The following TEKT3 variants were observed in gnomAD, a reference collection of about 807,000 sequenced individuals.
The protein encoded by TEKT3 is tektin-3.
In TEKT3, 49 loss-of-function variants were observed where a neutral mutation model predicts 49.8. That is an observed-to-expected ratio of 0.98 (90% CI 0.78 to 1.25). The LOEUF (loss-of-function observed/expected upper bound fraction) is 1.25. Ranked by LOEUF, TEKT3 falls within the 50% of genes most tolerant of loss-of-function variation. The pLI is 0.00. For missense variants in TEKT3, 595 were observed against 629.5 expected (o/e 0.95, Z 0.59); for synonymous variants, 225 against 237.2 (o/e 0.95, Z 0.47).
At chr17:15,324,438 T>G (rs1911401609) in intron 4 of TEKT3, among the ~76,000 whole-genome samples, 1 of 152,208 alleles carries the variant, frequency 6.6e-6, no homozygotes, top group Admixed American at 6.5e-5. Context: ...ATATGTTTTC[T>G]TTTCTCCTGG....
At chr17:15,334,669 T>C (rs1374477193) in intron 2 of TEKT3, among the ~76,000 whole-genome samples, 1 of 152,238 alleles carries the variant, frequency 6.6e-6, no homozygotes, top group Non-Finnish European at 1.5e-5. Flanking sequence ...TAAAGCATAG[T>C]GGTTTACAGA....
intron 3 of TEKT3, 64 bp downstream of exon 3, chr17:15,330,943 C>T (rs1015045694): frequency 7.0e-7 from 1 of 1,420,306 alleles, no homozygotes. Context: ...AATAAATAAC[C>T]ACAGTAACTC....
chr17:15,328,130 G>T, intron 3 of TEKT3, 55 bp from the exon 4 acceptor site: 1 of 1,474,796 alleles, frequency 6.8e-7, no homozygotes, highest in Admixed American at 1.7e-5. Flanking sequence ...TCCATGACTA[G>T]CAGCTCTAAT....
intron 4 of TEKT3, among the ~76,000 whole-genome samples, chr17:15,326,029 G>A (rs904525295): frequency 2.2e-4 from 34 of 152,142 alleles, no homozygotes; most frequent in African/African-American, 7.7e-4. Context: ...GCTTTCCTGA[G>A]TATATTATTT....
chr17:15,341,389 C>T (rs1912222660), intron 1 of TEKT3, 129 bp downstream of exon 1: 1 of 152,058 alleles, frequency 6.6e-6, no homozygotes. Context: ...AAGTGAAGAT[C>T]GCGGGGAGGA....
chr17:15,309,015 T>C (rs1454421972), intron 7 of TEKT3, among the ~76,000 whole-genome samples, 197 bp from the exon 8 acceptor site: 1 of 152,178 alleles, frequency 6.6e-6, no homozygotes, highest in Non-Finnish European at 1.5e-5. Flanking sequence ...GGCATGCACC[T>C]GCTCTGGAGA....
chr17:15,335,057 G>A (rs771118399), intron 2 of TEKT3, among the ~76,000 whole-genome samples: 1 of 152,202 alleles, frequency 6.6e-6, no homozygotes, highest in African/African-American at 2.4e-5. Context: ...TGAGAGAAGG[G>A]AAACAAATAA....
rs765924272 is a variant in TEKT3, at chr17:15,312,328, G to C, written c.1032C>G (p.Asn344Lys). 1.9e-6 allele frequency: 3 copies of C among 1,614,110 alleles called. No individual in the cohort carries two copies. The Admixed American group carries it at 5.0e-5, about 27-fold the overall frequency. Residue 344 changes from asparagine to lysine, a missense_variant, in exon 7 of 9, where the codon AAC becomes AAG. Asn to Lys is a moderately conservative substitution (Grantham distance 94, BLOSUM62 0). Transcript: ENST00000395930. Reference protein sequence around the residue: ...NEMWNQFNKVNLSFTNRIAET... With the variant: ...NEMWNQFNKVKLSFTNRIAET... The stretch of plus-strand genomic sequence containing the variant: ...CAGCAATGCGATTGGTGAAAGACAA[G>C]TTCACTTTGTTGAATTGATTCCACA...
At position 15,312,374 on chromosome 17, in the gene TEKT3, A is replaced by T; in HGVS notation, c.986T>A (p.Leu329Ter). Residue 329 changes from leucine to a stop codon, truncating the protein, a stop_gained, in exon 7 of 9, where the codon TTG becomes TAG. Transcript: ENST00000395930. LOFTEE classifies it high-confidence loss of function. ...CCACATCTCATTGGCAGTCACAACC[A>T]AGAGGTTTTCAATGTCGTCTCTTAG... Reference protein sequence around the residue: ...AKLRDDIENLLVVTANEMWNQ... With the variant: ...AKLRDDIENL 1 of 1,614,248 alleles carries T rather than the reference A, an allele frequency of 6.2e-7. No individual in the cohort carries two copies. The highest frequency in any genetic ancestry group is 8.5e-7 in the Non-Finnish European group (1 of 1,180,044).
chr17:15,305,048 A>G (rs1910486292), intron 8 of TEKT3, among the ~76,000 whole-genome samples: 1 of 152,198 alleles, frequency 6.6e-6, no homozygotes, highest in Admixed American at 6.5e-5. Context: ...GTGTGCAAAA[A>G]CTACTTATTG....
chr17:15,331,794 T>A (rs1279218061), intron 2 of TEKT3, among the ~76,000 whole-genome samples, 180 bp from the exon 3 acceptor site: 1 of 152,136 alleles, frequency 6.6e-6, no homozygotes, highest in Non-Finnish European at 1.5e-5. Context: ...AGTTTTTTTT[T>A]AATCTCTATG....
intron 7 of TEKT3, chr17:15,310,807 C>A: frequency 6.6e-6 from 1 of 152,138 alleles, no homozygotes; most frequent in Non-Finnish European, 1.5e-5. Context: ...TGTCTTCTTA[C>A]AATTGATAGT....
intron 8 of TEKT3, among the ~76,000 whole-genome samples, chr17:15,305,894 C>T (rs1345468433): frequency 1.3e-5 from 2 of 151,978 alleles, no homozygotes; most frequent in African/African-American, 2.4e-5. Flanking sequence ...CTTCTCTCAT[C>T]GTTAATTAGA....
intron 2 of TEKT3, among the ~76,000 whole-genome samples, chr17:15,335,359 T>C (rs956118249): frequency 2.0e-5 from 3 of 152,214 alleles, no homozygotes; most frequent in Admixed American, 6.5e-5. Flanking sequence ...ATGGCAGAGC[T>C]GTTAGCTGAA....
chr17:15,333,576 A>G (rs1911862652), intron 2 of TEKT3, among the ~76,000 whole-genome samples: 1 of 152,216 alleles, frequency 6.6e-6, no homozygotes, highest in East Asian at 1.9e-4. Flanking sequence ...TTACTTTTTG[A>G]AAAAGGAAAT....
Position 15,330,966 on chromosome 17 carries a change from A to G in TEKT3, c.579+41T>C, listed in dbSNP as rs568913403. 2.0e-6 allele frequency: 3 copies of G among 1,521,024 alleles called. No homozygotes were observed. The East Asian group carries it at 6.8e-5, about 35-fold the overall frequency. 94.2% of individuals were successfully genotyped at this position (1,521,024 alleles called of 1,614,324 possible). On this transcript the variant is annotated intron_variant, in intron 3 of 8. Coordinates refer to ENST00000395930, the MANE Select transcript of TEKT3 (RefSeq NM_031898.3). ...ACCACAGTAACTCAACCAGTGGGTT[A>G]TAATCATAAAAATTCAGTGTGTTCT...
intron 4 of TEKT3, among the ~76,000 whole-genome samples, chr17:15,326,255 C>T (rs1244938333): frequency 2.0e-5 from 3 of 152,072 alleles, no homozygotes; most frequent in African/African-American, 7.2e-5. Flanking sequence ...TCACCAAGGA[C>T]CAATTAAAAA....
Position 15,304,426 on chromosome 17 carries a change from G to C in TEKT3, c.1257-274C>G, listed in dbSNP as rs1910454097. ...ACCATTTTAAAATCATTATGCCAAG[G>C]CAATTCTATAGTTTCACAGAAATTC... On this transcript the variant is annotated intron_variant, in intron 8 of 8. Transcript: ENST00000395930. This position sits in a 1 kb window ranked among gnomAD's most constrained non-coding sequence, Gnocchi z 4.7. Among the ~76,000 whole-genome samples the C allele has an allele frequency of 6.6e-6, 1 of 152,102 alleles. No homozygotes were observed. The highest frequency in any genetic ancestry group is 6.6e-5 in the Admixed American group (1 of 15,264).
chr17:15,323,407 G>A (rs764583113), intron 4 of TEKT3, among the ~76,000 whole-genome samples: 1 of 152,162 alleles, frequency 6.6e-6, no homozygotes, highest in Non-Finnish European at 1.5e-5. Context: ...AGGCTGCAGG[G>A]TAGATGACTT....
Sources: allele counts gnomAD v4.1 joint callset (sites outside exome capture counted in the v4.1 genomes callset), GRCh38; gene constraint gnomAD v4.1.1; non-coding constraint Gnocchi (gnomAD v3.1); transcripts MANE v1.5; gene names NCBI Gene and HGNC (gene_info 2026-07-23, HGNC 2026-07-21).